Variants in RFT1 observed in about 807,000 individuals in gnomAD.
The protein encoded by RFT1 is man(5)GlcNAc(2)-PP-dolichol translocation protein RFT1.
RFT1 carries 43 observed loss-of-function variants against 62.2 expected under a neutral mutation model. That is an observed-to-expected ratio of 0.69 (90% CI 0.54 to 0.89). RFT1 has a LOEUF of 0.89. Ranked by LOEUF, RFT1 falls within the 40% of genes least tolerant of loss-of-function variation. The pLI is 0.00. For synonymous variants in RFT1, 262 were observed against 264.6 expected (o/e 0.99, Z 0.10); for missense variants, 605 against 649.9 (o/e 0.93, Z 0.75).
At chr3:53,122,244 T>C in intron 4 of RFT1, 130 bp downstream of exon 4, 1 of 909,270 alleles carries the variant, frequency 1.1e-6, no homozygotes, top group Non-Finnish European at 1.8e-6. Flanking sequence ...GACCATGTTA[T>C]CTTTTTCTAA....
chr3:53,085,399 T>A (rs1419975456), downstream of RFT1, among the ~76,000 whole-genome samples: 1 of 152,058 alleles, frequency 6.6e-6, no homozygotes, highest in African/African-American at 2.4e-5. Flanking sequence ...TCATTCGGCC[T>A]CACAGGTGGA....
the RFT1 span, among the ~76,000 whole-genome samples, chr3:53,078,961 A>G: frequency 6.6e-6 from 1 of 152,242 alleles, no homozygotes; most frequent in Non-Finnish European, 1.5e-5. Context: ...GAGAAAAGGC[A>G]AAGCTACCTG....
chr3:53,120,972 C>T lies in RFT1; in HGVS notation c.558+727G>A, dbSNP rs374682189. Reference sequence around the variant, plus strand: ...GCCACCCACCTGATGCCAGTGTCCTCTGTGAGAAGTACCCTTTACATAAAT... The same window carrying T: ...GCCACCCACCTGATGCCAGTGTCCTTTGTGAGAAGTACCCTTTACATAAAT... On this transcript the variant is annotated intron_variant, in intron 5 of 12. Transcript: ENST00000296292. Among the ~76,000 whole-genome samples the T allele has an allele frequency of 4.6e-5, 7 of 152,346 alleles. No individual in the cohort carries two copies. The South Asian group carries it at 8.3e-4, about 18-fold the overall frequency.
chr3:53,120,540 G>C (rs957305719), intron 5 of RFT1, among the ~76,000 whole-genome samples: 4 of 152,176 alleles, frequency 2.6e-5, no homozygotes, highest in Non-Finnish European at 5.9e-5. Flanking sequence ...CTACAGATAG[G>C]GGAAGAAAGG....
At chr3:53,124,478 G>A (rs991937074) in intron 2 of RFT1, among the ~76,000 whole-genome samples, 5 of 152,138 alleles carry the variant, frequency 3.3e-5, no homozygotes, top group East Asian at 1.9e-4. Context: ...GTTGTCCAAG[G>A]ATTATCCTGC....
rs1559597748 is a variant in RFT1, at chr3:53,122,482, G to C, written c.348C>G (p.Val116=). Residue 116 remains valine (V), a synonymous_variant, in exon 4 of 13, where the codon GTC becomes GTG. Coordinates refer to ENST00000296292, the MANE Select transcript of RFT1 (RefSeq NM_052859.4). ...GCACCACTCCAGTTGCATAGTGAGG[G>C]ACAACATTAGGATCAGGCACTTCAA... is the stretch of plus-strand genomic sequence containing the variant. ...QLLEVPDPNV[V]PHYATGVVLF... The C allele has an allele frequency of 1.2e-6, 2 of 1,613,920 alleles. No individual in the cohort carries two copies. The highest frequency in any genetic ancestry group is 1.7e-6 in the Non-Finnish European group (2 of 1,180,002).
At chr3:53,094,967 A>G (rs1344292658) in intron 11 of RFT1, among the ~76,000 whole-genome samples, 1 of 152,174 alleles carries the variant, frequency 6.6e-6, no homozygotes, top group African/African-American at 2.4e-5. Context: ...TAAAAATGCA[A>G]TTAAAATATC....
chr3:53,077,311 G>A, the RFT1 span, among the ~76,000 whole-genome samples: 1 of 152,220 alleles, frequency 6.6e-6, no homozygotes, highest in Non-Finnish European at 1.5e-5. Flanking sequence ...AGGCATGAGC[G>A]TGGAGTGATC....
chr3:53,100,966 T>TC (rs1053577924), intron 10 of RFT1, among the ~76,000 whole-genome samples: 5 of 135,668 alleles, frequency 3.7e-5, no homozygotes, highest in South Asian at 2.5e-4. Flanking sequence ...GAAAAAAAAC[T>TC]CCCAAAAAAA....
At chr3:53,077,201 T>C in the RFT1 span, among the ~76,000 whole-genome samples, 2 of 152,186 alleles carry the variant, frequency 1.3e-5, no homozygotes, top group African/African-American at 4.8e-5. Flanking sequence ...TCTTAAACAC[T>C]GAGGCTTGAG....
At chr3:53,122,614 A>T in intron 3 of RFT1, 51 bp from the exon 4 acceptor site, 1 of 1,175,596 alleles carries the variant, frequency 8.5e-7, no homozygotes, top group Non-Finnish European at 1.2e-6. Flanking sequence ...AAATATAAAT[A>T]TATATTAAAA....
intron 10 of RFT1, among the ~76,000 whole-genome samples, chr3:53,100,900 T>C (rs1395823627): frequency 3.3e-5 from 5 of 152,098 alleles, no homozygotes; most frequent in Admixed American, 2.6e-4. Flanking sequence ...CTTACCAAAC[T>C]GTACTCTTAA....
chr3:53,113,977 C>A (rs1701722365), intron 6 of RFT1, among the ~76,000 whole-genome samples: 1 of 152,226 alleles, frequency 6.6e-6, no homozygotes, highest in African/African-American at 2.4e-5. Flanking sequence ...GAACCTAGAG[C>A]AGATGCCAGG....
In RFT1 at chr3:53,091,840, G is replaced by A; in HGVS notation, c.*63C>T. Reference sequence around the variant, plus strand: ...TCAGTGGGGCTCTTACACAGAATGTGTTCCACCCACAGAACTACCCATAGC... The same window carrying A: ...TCAGTGGGGCTCTTACACAGAATGTATTCCACCCACAGAACTACCCATAGC... On this transcript the variant is annotated 3_prime_UTR_variant, in exon 13 of 13. Coordinates refer to ENST00000296292, the MANE Select transcript of RFT1 (RefSeq NM_052859.4). 1 of 1,564,470 alleles carries A rather than the reference G, an allele frequency of 6.4e-7. No homozygotes were observed. The highest frequency in any genetic ancestry group is 1.7e-5 in the Admixed American group (1 of 59,802).
intron 11 of RFT1, among the ~76,000 whole-genome samples, chr3:53,098,080 G>A (rs148501357): frequency 6.5e-4 from 99 of 152,340 alleles, no homozygotes; most frequent in African/African-American, 2.3e-3. Flanking sequence ...TTCCTGCCTT[G>A]TGAACTCATG....
intron 1 of RFT1, among the ~76,000 whole-genome samples, chr3:53,128,728 C>CT (rs1350486869): frequency 2.6e-5 from 4 of 152,216 alleles, no homozygotes; most frequent in African/African-American, 9.6e-5. Context: ...CCAGGCTGGT[C>CT]TTCAACTCCT....
chr3:53,098,538 C>A (rs375439133), intron 11 of RFT1, among the ~76,000 whole-genome samples: 1 of 152,128 alleles, frequency 6.6e-6, no homozygotes, highest in Admixed American at 6.5e-5. Context: ...CACGGTGGCT[C>A]ATGCCTGTAA....
In RFT1 at chr3:53,091,770, C is replaced by G. The variant is rs949221376; in HGVS notation, c.*133G>C. ...CAGGTGTCTCATGCAGTGGCACTCT[C>G]TGGTGCCTCATCTCTGGGGTTGCTG... On this transcript the variant is annotated 3_prime_UTR_variant, in exon 13 of 13. Transcript: ENST00000296292. 10 of 928,196 alleles carry G rather than the reference C, an allele frequency of 1.1e-5. No homozygotes were observed. Among genetic ancestry groups the G allele is most frequent in the Non-Finnish European group, 1.7e-5 (10 of 577,302 alleles). 57.5% of individuals were successfully genotyped at this position (928,196 alleles called of 1,614,324 possible).
the RFT1 span, among the ~76,000 whole-genome samples, chr3:53,079,037 G>T: frequency 6.6e-6 from 1 of 152,236 alleles, no homozygotes; most frequent in African/African-American, 2.4e-5. Context: ...CTCCAGCTCT[G>T]TTGATTGTCT....
Sources: gnomAD v4.1 joint callset for allele counts (sites outside exome capture counted in the v4.1 genomes callset) on GRCh38, gnomAD v4.1.1 for gene constraint, MANE v1.5 for transcripts, NCBI Gene and HGNC (gene_info 2026-07-23, HGNC 2026-07-21) for gene names.